The following ST8SIA1 variants were observed in gnomAD, a reference collection of about 807,000 sequenced individuals.
ST8SIA1 encodes alpha-N-acetylneuraminide alpha-2,8-sialyltransferase.
ST8SIA1 carries 16 observed loss-of-function variants against 35.9 expected under a neutral mutation model. The ratio of observed to expected loss-of-function variants is 0.45; its 90% CI spans 0.30 to 0.68. ST8SIA1 has a LOEUF of 0.68. Ranked by LOEUF, ST8SIA1 falls within the 30% of genes least tolerant of loss-of-function variation. The probability of loss-of-function intolerance (pLI) is 0.09; values close to 1 mark genes in which losing one functional copy is unlikely to be tolerated. For missense variants in ST8SIA1, 383 were observed against 453.6 expected, an observed-to-expected ratio of 0.84 and a Z score of 1.41; for synonymous variants, 170 against 169.6, an observed-to-expected ratio of 1.00 and a Z score of -0.02.
chr12:22,232,706 GC>G (rs1865433500), intron 4 of ST8SIA1, among the ~76,000 whole-genome samples: 2 of 152,106 alleles, frequency 1.3e-5, no homozygotes, highest in African/African-American at 4.8e-5. Context: ...GGACATGGTG[GC>G]GCATGCCTGT....
At chr12:22,204,004 C>T (rs1382807481) in intron 4 of ST8SIA1, among the ~76,000 whole-genome samples, 1 of 152,164 alleles carries the variant, frequency 6.6e-6, no homozygotes, top group Non-Finnish European at 1.5e-5. Context: ...AAGATCAAAG[C>T]ATCAGTGTAA....
At chr12:22,274,731 C>T (rs980759202) in intron 2 of ST8SIA1, among the ~76,000 whole-genome samples, 4 of 152,194 alleles carry the variant, frequency 2.6e-5, no homozygotes, top group Admixed American at 6.5e-5. Flanking sequence ...CTTCTTCCAT[C>T]GCTGTTGCCT....
chr12:22,219,726 A>T (rs538320862), intron 4 of ST8SIA1, among the ~76,000 whole-genome samples: 2 of 151,704 alleles, frequency 1.3e-5, no homozygotes, highest in Non-Finnish European at 2.9e-5. Flanking sequence ...AAGCAAATGG[A>T]AATTTCTCAC....
intron 4 of ST8SIA1, among the ~76,000 whole-genome samples, chr12:22,215,383 T>C (rs968020985): frequency 1.3e-5 from 2 of 152,170 alleles, no homozygotes; most frequent in Non-Finnish European, 2.9e-5. Flanking sequence ...CTGAGGGATG[T>C]AGCAATGAAC....
intron 1 of ST8SIA1, among the ~76,000 whole-genome samples, chr12:22,298,067 C>T (rs1221654040): frequency 6.6e-6 from 1 of 152,182 alleles, no homozygotes; most frequent in Non-Finnish European, 1.5e-5. Context: ...TGAATAGCTT[C>T]TGTATAGCTG....
At chr12:22,304,628 T>C (rs377019558) in intron 1 of ST8SIA1, among the ~76,000 whole-genome samples, 5 of 152,216 alleles carry the variant, frequency 3.3e-5, no homozygotes, top group Admixed American at 6.5e-5. Flanking sequence ...AAATAATTAT[T>C]GCAACAGAGG....
At chr12:22,270,243 C>A (rs775335201) in intron 2 of ST8SIA1, among the ~76,000 whole-genome samples, 13 of 152,186 alleles carry the variant, frequency 8.5e-5, no homozygotes, top group Non-Finnish European at 1.6e-4. Flanking sequence ...TCAATTTCTA[C>A]ATGTCAAATG....
At chr12:22,208,024 T>A (rs527388097) in intron 4 of ST8SIA1, among the ~76,000 whole-genome samples, 1 of 151,242 alleles carries the variant, frequency 6.6e-6, no homozygotes, top group South Asian at 2.1e-4. Flanking sequence ...GTGCCTGTAA[T>A]CTCAGCTCAG....
chr12:22,220,737 G>C (rs1023325189), intron 4 of ST8SIA1, among the ~76,000 whole-genome samples: 3 of 152,140 alleles, frequency 2.0e-5, no homozygotes, highest in Non-Finnish European at 4.4e-5. Flanking sequence ...TCCCTCCCAG[G>C]ATCCTCACGG....
intron 2 of ST8SIA1, among the ~76,000 whole-genome samples, chr12:22,274,891 G>A (rs1304046568): frequency 6.6e-6 from 1 of 152,188 alleles, no homozygotes; most frequent in Non-Finnish European, 1.5e-5. Context: ...CCTTCAAAGG[G>A]CTCACAGTGT....
Position 22,271,711 on chromosome 12 carries a change from T to C in ST8SIA1, c.381+15438A>G, listed in dbSNP as rs1002113732. On this transcript the variant is annotated intron_variant, in intron 2 of 4. Transcript: ENST00000396037. ...GAGAGCGCCAATCATCACATTGCTC[T>C]GGTGGCTTCCCTGCTCCAAGTAGTC... Among the ~76,000 whole-genome samples the C allele has an allele frequency of 2.6e-5, 4 of 152,204 alleles. No homozygotes were observed. The South Asian group carries it at 8.3e-4, about 32-fold the overall frequency.
At chr12:22,333,563 TG>T (rs1866796457) in intron 1 of ST8SIA1, among the ~76,000 whole-genome samples, 2 of 152,228 alleles carry the variant, frequency 1.3e-5, no homozygotes, top group African/African-American at 4.8e-5. Context: ...TGGGGACTTA[TG>T]TTACCGACTG....
intron 1 of ST8SIA1, among the ~76,000 whole-genome samples, chr12:22,313,134 T>C (rs891929269): frequency 2.0e-5 from 3 of 152,170 alleles, no homozygotes; most frequent in African/African-American, 7.2e-5. Flanking sequence ...GTATGTTCCA[T>C]AGCCTCTCTA....
At chr12:22,243,525 T>C (rs1256781272) in intron 4 of ST8SIA1, among the ~76,000 whole-genome samples, 1 of 152,206 alleles carries the variant, frequency 6.6e-6, no homozygotes, top group Admixed American at 6.5e-5. Context: ...TTTACCACCC[T>C]GTTTGCATAT....
At chr12:22,316,464 A>G (rs146984898) in intron 1 of ST8SIA1, among the ~76,000 whole-genome samples, 79 of 152,242 alleles carry the variant, frequency 5.2e-4, no homozygotes, top group Middle Eastern at 3.4e-3. Context: ...TTGGATCTCT[A>G]CCTCACTATA....
In ST8SIA1 at chr12:22,223,568, T is replaced by A. The variant is rs1865324451; in HGVS notation, c.585-21530A>T. ...GTTAAATGAGGAGACAGGGGCCCAT[T>A]TTTCAAGCCAGATTCTGATTCAAGC... On this transcript the variant is annotated intron_variant, in intron 4 of 4. Coordinates refer to ENST00000396037, the MANE Select transcript of ST8SIA1 (RefSeq NM_003034.4). The A allele has an allele frequency of 1.1e-5, 12 of 1,047,240 alleles. No individual in the cohort carries two copies. In the South Asian group the frequency reaches 3.1e-4, roughly 27 times the overall value. 64.9% of individuals were successfully genotyped at this position (1,047,240 alleles called of 1,614,324 possible). A position where few individuals can be genotyped will look rare whatever the true frequency, so the allele number is the denominator to read the frequency against.
rs1318815077 is a variant in ST8SIA1 at position 22,201,191 on chromosome 12, T to A, written c.*361A>T. On this transcript the variant is annotated 3_prime_UTR_variant, in exon 5 of 5. Transcript: ENST00000396037. ...TTGTGTTGACAATCAGCAACACTTT[T>A]ACCCCAACATTTTCTTTGTTCTACC... 5.9e-6 allele frequency: 1 copy of A among 170,566 alleles called. No individual in the cohort carries two copies. Among genetic ancestry groups the A allele is most frequent in the African/African-American group, 2.4e-5 (1 of 42,090 alleles). 10.6% of individuals were successfully genotyped at this position (170,566 alleles called of 1,614,324 possible).
chr12:22,223,922 T>C (rs1207493457), intron 4 of ST8SIA1: 5 of 721,460 alleles, frequency 6.9e-6, no homozygotes. Context: ...CCTTTATACA[T>C]TGCTAGATTA....
intron 4 of ST8SIA1, among the ~76,000 whole-genome samples, chr12:22,205,498 A>G (rs186573839): frequency 2.0e-4 from 30 of 152,348 alleles, no homozygotes; most frequent in Non-Finnish European, 3.7e-4. Context: ...GACAAAACCA[A>G]TAAGATTTTT....
Sources: allele counts gnomAD v4.1 joint callset (sites outside exome capture counted in the v4.1 genomes callset), GRCh38; gene constraint gnomAD v4.1.1; transcripts MANE v1.5; gene names NCBI Gene and HGNC (gene_info 2026-07-23, HGNC 2026-07-21).